Variants in DAB1 observed in about 807,000 individuals in gnomAD.
The protein encoded by DAB1 is DAB adaptor protein 1.
A neutral mutation model predicts 64.6 loss-of-function variants in DAB1; 15 were observed. The ratio of observed to expected loss-of-function variants is 0.23; its 90% confidence interval spans 0.16 to 0.36. The LOEUF (loss-of-function observed/expected upper bound fraction) is 0.36, where lower values mean the gene tolerates loss of function less well. Ranked by LOEUF, DAB1 falls within the 10% of genes least tolerant of loss-of-function variation. DAB1 has a pLI of 1.00. For missense variants in DAB1, 596 were observed against 706.7 expected (o/e 0.84, Z 1.78); for synonymous variants, 235 against 251.9 (o/e 0.93, Z 0.64).
At chr1:57,776,540 A>C (rs1450709591) in intron 6 of DAB1, among the ~76,000 whole-genome samples, 2 of 151,686 alleles carry the variant, frequency 1.3e-5, no homozygotes, top group East Asian at 3.9e-4. Flanking sequence ...TTTTAGATTA[A>C]GTATTTTTCT....
chr1:58,518,655 G>C (rs1034251731), intron 2 of DAB1, among the ~76,000 whole-genome samples: 1 of 151,634 alleles, frequency 6.6e-6, no homozygotes, highest in African/African-American at 2.4e-5. Context: ...AGGACTCCAG[G>C]GTTTTTTTTC....
At chr1:58,075,419 T>C (rs1649577469) in intron 5 of DAB1, among the ~76,000 whole-genome samples, 1 of 152,186 alleles carries the variant, frequency 6.6e-6, no homozygotes, top group Non-Finnish European at 1.5e-5. Flanking sequence ...TTAGAGCCAG[T>C]GCACAGTTTG....
intron 4 of DAB1, among the ~76,000 whole-genome samples, chr1:57,096,650 A>T (rs1654194436): frequency 2.0e-5 from 3 of 151,362 alleles, no homozygotes; most frequent in Admixed American, 6.6e-5. Flanking sequence ...AGCTACAGTC[A>T]CTCCCCACAG....
chr1:58,122,247 C>T (rs1321741459), intron 5 of DAB1, among the ~76,000 whole-genome samples: 3 of 152,204 alleles, frequency 2.0e-5, no homozygotes, highest in African/African-American at 7.2e-5. Context: ...ATTGCATTAA[C>T]TTTGCATGTT....
At chr1:58,065,446 A>G (rs7527900) in intron 5 of DAB1, among the ~76,000 whole-genome samples, 1 of 152,138 alleles carries the variant, frequency 6.6e-6, no homozygotes, top group Non-Finnish European at 1.5e-5. Flanking sequence ...TGGATTTTTT[A>G]AAAAAGAGTC....
At chr1:57,305,988 A>AAG (rs1674123489) in intron 1 of DAB1, among the ~76,000 whole-genome samples, 8 of 148,610 alleles carry the variant, frequency 5.4e-5, no homozygotes, top group African/African-American at 2.0e-4. Flanking sequence ...AAAAAAAAGA[A>AAG]AAAAGAAAAG....
chr1:57,300,637 G>A (rs1392471401), intron 1 of DAB1, among the ~76,000 whole-genome samples: 2 of 152,148 alleles, frequency 1.3e-5, no homozygotes, highest in African/African-American at 4.8e-5. Context: ...AATGCAATGG[G>A]CCTGAATTCA....
intron 7 of DAB1, among the ~76,000 whole-genome samples, chr1:57,614,863 TC>T (rs1645770656): frequency 1.5e-5 from 2 of 132,900 alleles, no homozygotes; most frequent in Non-Finnish European, 1.6e-5. Context: ...TTTCTTTCTT[TC>T]TTTCTTTTTT....
intron 4 of DAB1, among the ~76,000 whole-genome samples, chr1:57,107,084 ATCAAC>A (rs1655232328): frequency 6.6e-6 from 1 of 152,126 alleles, no homozygotes; most frequent in Non-Finnish European, 1.5e-5. Flanking sequence ...ATTAAAAAAA[ATCAAC>A]CCAGGCCAGG....
intron 3 of DAB1, among the ~76,000 whole-genome samples, chr1:58,392,600 T>C (rs1644485117): frequency 6.6e-6 from 1 of 152,238 alleles, no homozygotes; most frequent in African/African-American, 2.4e-5. Context: ...AAAGGAAGAC[T>C]GCCCTCCACG....
intron 5 of DAB1, among the ~76,000 whole-genome samples, chr1:57,952,950 T>C (rs1162333196): frequency 6.6e-6 from 1 of 150,672 alleles, no homozygotes; most frequent in Non-Finnish European, 1.5e-5. Context: ...CTTTTCCCTA[T>C]TGTTCTATTT....
intron 6 of DAB1, among the ~76,000 whole-genome samples, chr1:57,772,916 T>C (rs1649624653): frequency 6.6e-6 from 1 of 152,090 alleles, no homozygotes; most frequent in Non-Finnish European, 1.5e-5. Flanking sequence ...ACCGAGTGAC[T>C]GGTGTCCTTG....
Position 58,290,320 on chromosome 1 carries a change from G to A in DAB1, n.309+53032C>T, listed in dbSNP as rs555152827. 2.6e-5 allele frequency among the ~76,000 whole-genome samples: 4 copies of A among 152,308 alleles called. No homozygotes were observed. In the East Asian group the frequency reaches 7.7e-4, roughly 29 times the overall value. On this transcript the variant is annotated intron_variant and non_coding_transcript_variant, in intron 4 of 20. Transcript: ENST00000485760. ...AGTTGATCTGAATTGTGAGCAAGGT[G>A]TGGGTATTGGAATGTCAGAGAAGGA... is the stretch of plus-strand genomic sequence containing the variant.
At chr1:57,282,182 CAAAAAAAAAAAAA>C (rs61512431) in intron 2 of DAB1, among the ~76,000 whole-genome samples, 1 of 92,786 alleles carries the variant, frequency 1.1e-5, no homozygotes, top group African/African-American at 4.4e-5. Context: ...GCCTTCTTCT[CAAAAAAAAAAAAA>C]AAAAAAAAAA....
intron 5 of DAB1, among the ~76,000 whole-genome samples, chr1:57,975,649 A>T (rs1489968252): frequency 6.6e-6 from 1 of 152,198 alleles, no homozygotes; most frequent in East Asian, 1.9e-4. Context: ...TGTCTCAGGT[A>T]CTATGCTAAA....
At chr1:58,119,815 T>C (rs1652628132) in intron 5 of DAB1, among the ~76,000 whole-genome samples, 1 of 152,194 alleles carries the variant, frequency 6.6e-6, no homozygotes, top group South Asian at 2.1e-4. Context: ...GTTTATTTAA[T>C]AGTCCTGCAG....
chr1:58,086,136 T>G lies in DAB1; in HGVS notation n.387+64375A>C, dbSNP rs1328466816. 2.7e-5 allele frequency among the ~76,000 whole-genome samples: 4 copies of G among 150,686 alleles called. No individual in the cohort carries two copies. The East Asian group carries it at 7.8e-4, about 29-fold the overall frequency. On this transcript the variant is annotated intron_variant and non_coding_transcript_variant, in intron 5 of 20. Coordinates refer to the DAB1 transcript ENST00000485760. ...CCGCCACTACGCCCGGCTAATTTTT[T>G]GTATTTTTAGTAGAGACGGGGTTTC...
intron 5 of DAB1, among the ~76,000 whole-genome samples, chr1:57,982,775 C>T (rs1290013923): frequency 6.6e-6 from 1 of 152,160 alleles, no homozygotes; most frequent in African/African-American, 2.4e-5. Context: ...TTTATGGCTT[C>T]AATTCTGGCC....
chr1:57,458,601 A>G (rs1686680577), intron 7 of DAB1, among the ~76,000 whole-genome samples: 1 of 152,140 alleles, frequency 6.6e-6, no homozygotes, highest in Admixed American at 6.6e-5. Flanking sequence ...CTAGGACTCT[A>G]TCATAAGCAA....
Sources: allele counts gnomAD v4.1 joint callset (sites outside exome capture counted in the v4.1 genomes callset), GRCh38; gene constraint gnomAD v4.1.1; transcripts MANE v1.5; gene names NCBI Gene and HGNC (gene_info 2026-07-23, HGNC 2026-07-21).